Variants in CNTNAP2 observed in about 807,000 individuals in gnomAD.
CNTNAP2 encodes contactin associated protein 2, also known as contactin-associated protein-like 2.
CNTNAP2 carries 98 observed loss-of-function variants against 155.2 expected under a neutral mutation model. The ratio of observed to expected loss-of-function variants is 0.63; its 90% CI spans 0.54 to 0.75. The LOEUF is 0.75. Ranked by LOEUF, CNTNAP2 falls within the 30% of genes least tolerant of loss-of-function variation. The probability of loss-of-function intolerance (pLI) is 0.00; values close to 1 mark genes in which losing one functional copy is unlikely to be tolerated. For synonymous variants in CNTNAP2, 651 were observed against 631.2 expected, an observed-to-expected ratio of 1.03 and a Z score of -0.47; for missense variants, 1,727 against 1,688.1, an observed-to-expected ratio of 1.02 and a Z score of -0.40.
chr7:147,863,023 T>C (rs536723004), intron 13 of CNTNAP2, among the ~76,000 whole-genome samples: 17 of 152,262 alleles, frequency 1.1e-4, no homozygotes, highest in Non-Finnish European at 2.5e-4. Context: ...GTTGGTTTGC[T>C]CCACCCATCA....
chr7:146,362,766 C>CTT (rs773124124), intron 1 of CNTNAP2, among the ~76,000 whole-genome samples: 1,356 of 96,420 alleles, frequency 0.014, 7 homozygotes, highest in Non-Finnish European at 0.018. Flanking sequence ...TCACACAGCA[C>CTT]TTTTTTTTTT....
At chr7:146,929,498 G>C (rs892427938) in intron 3 of CNTNAP2, among the ~76,000 whole-genome samples, 3 of 152,150 alleles carry the variant, frequency 2.0e-5, no homozygotes, top group African/African-American at 7.2e-5. Context: ...AAAAAACAGA[G>C]CAGAAAAACT....
intron 9 of CNTNAP2, among the ~76,000 whole-genome samples, chr7:147,330,276 A>G (rs1161256846): frequency 6.6e-6 from 1 of 152,230 alleles, no homozygotes; most frequent in South Asian, 2.1e-4. Context: ...TCCCCAGAGA[A>G]GGTATAGAAA....
intron 15 of CNTNAP2, among the ~76,000 whole-genome samples, chr7:147,992,087 C>CTTTTTTTTTTTTTT (rs36015914): frequency 4.1e-5 from 3 of 72,774 alleles, no homozygotes; most frequent in African/African-American, 1.7e-4. Context: ...ATTACTACCT[C>CTTTTTTTTTTTTTT]TTTTTTTTTT....
At chr7:146,560,324 G>T (rs1176031268) in intron 1 of CNTNAP2, among the ~76,000 whole-genome samples, 3 of 151,756 alleles carry the variant, frequency 2.0e-5, no homozygotes, top group Non-Finnish European at 2.9e-5. Context: ...GTTTAAAAAA[G>T]CCAGGTTATT....
At chr7:146,512,159 AT>A (rs1470394906) in intron 1 of CNTNAP2, among the ~76,000 whole-genome samples, 2 of 151,372 alleles carry the variant, frequency 1.3e-5, no homozygotes, top group Non-Finnish European at 3.0e-5. Context: ...TTTTTATTTT[AT>A]TTATTTAGGT....
intron 1 of CNTNAP2, among the ~76,000 whole-genome samples, chr7:146,711,290 AACAT>A (rs1364153696): frequency 2.0e-5 from 3 of 146,388 alleles, no homozygotes; most frequent in East Asian, 2.0e-4. Flanking sequence ...AGAAAACATA[AACAT>A]ACATATATGT....
intron 8 of CNTNAP2, among the ~76,000 whole-genome samples, chr7:147,262,657 T>A (rs1172027301): frequency 1.3e-5 from 2 of 152,038 alleles, no homozygotes; most frequent in African/African-American, 2.4e-5. Context: ...ACAAAAAAAA[T>A]TAGCTGGGCG....
intron 1 of CNTNAP2, among the ~76,000 whole-genome samples, chr7:146,603,739 A>T (rs1301216358): frequency 1.3e-5 from 2 of 151,064 alleles, no homozygotes; most frequent in African/African-American, 4.9e-5. Context: ...AGATCAATGG[A>T]ACAGAACACA....
chr7:146,689,681 G>T (rs775103460), intron 1 of CNTNAP2, among the ~76,000 whole-genome samples: 1 of 152,220 alleles, frequency 6.6e-6, no homozygotes, highest in East Asian at 1.9e-4. Flanking sequence ...TTGAACAGAG[G>T]TGCCATTATT....
intron 10 of CNTNAP2, among the ~76,000 whole-genome samples, chr7:147,482,924 T>C (rs1314979631): frequency 6.6e-6 from 1 of 150,700 alleles, no homozygotes; most frequent in African/African-American, 2.4e-5. Context: ...TACACACCTG[T>C]AATCCCAGCT....
chr7:148,172,590 G>T (rs1370128959), intron 18 of CNTNAP2, 112 bp downstream of exon 18: 1 of 1,003,984 alleles, frequency 1.0e-6, no homozygotes, highest in African/African-American at 1.6e-5. Flanking sequence ...AGGTTAAGAT[G>T]ATCAGAATTT....
intron 13 of CNTNAP2, among the ~76,000 whole-genome samples, chr7:147,856,902 A>G (rs1266679517): frequency 6.6e-6 from 1 of 152,156 alleles, no homozygotes; most frequent in African/African-American, 2.4e-5. Flanking sequence ...CCCCTCACCC[A>G]AGGAAATCTG....
At chr7:146,742,685 G>GT (rs142201447) in intron 1 of CNTNAP2, among the ~76,000 whole-genome samples, 2,478 of 152,090 alleles carry the variant, frequency 0.016, 35 homozygotes, top group African/African-American at 0.047. Context: ...TGAGAGAAGA[G>GT]TAAAAAATCA....
At chr7:147,583,707 T>C (rs569306009) in intron 12 of CNTNAP2, among the ~76,000 whole-genome samples, 3 of 152,028 alleles carry the variant, frequency 2.0e-5, no homozygotes, top group East Asian at 3.9e-4. Flanking sequence ...TCACAGCATA[T>C]TCTCTAAGGG....
At position 146,156,600 on chromosome 7, in the gene CNTNAP2, C is replaced by A. The variant is rs147863006; in HGVS notation, c.97+39627C>A. Among the ~76,000 whole-genome samples, 306 of 150,752 alleles carry A rather than the reference C, an allele frequency of 2.0e-3. 1 individual carries two copies. Among genetic ancestry groups the A allele is most frequent in the African/African-American group, 7.1e-3 (295 of 41,502 alleles). On this transcript the variant is annotated intron_variant, in intron 1 of 23. Coordinates refer to ENST00000361727, the MANE Select transcript of CNTNAP2 (RefSeq NM_014141.6). ...TCTACATATTGTTTTAAAGTAATAA[C>A]TGCTTTACAGCATTTTTTTTTAAAT...
chr7:146,815,099 A>G (rs756694591), intron 2 of CNTNAP2, among the ~76,000 whole-genome samples: 5 of 152,200 alleles, frequency 3.3e-5, no homozygotes, highest in Non-Finnish European at 5.9e-5. Context: ...GAGCATGTCT[A>G]GAAGATGGCA....
At chr7:146,965,250 A>G (rs563867044) in intron 3 of CNTNAP2, among the ~76,000 whole-genome samples, 1 of 152,112 alleles carries the variant, frequency 6.6e-6, no homozygotes, top group Admixed American at 6.5e-5. Context: ...AGAAGAGAGC[A>G]TAATGGAACC....
chr7:146,621,324 A>G (rs1799313035), intron 1 of CNTNAP2, among the ~76,000 whole-genome samples: 1 of 152,164 alleles, frequency 6.6e-6, no homozygotes. Context: ...CATTTGTCAT[A>G]ATTAGTGAGC....
Sources: allele counts gnomAD v4.1 joint callset (sites outside exome capture counted in the v4.1 genomes callset), GRCh38; gene constraint gnomAD v4.1.1; transcripts MANE v1.5; gene names NCBI Gene and HGNC (gene_info 2026-07-23, HGNC 2026-07-21).